The following RYR3 variants were observed in gnomAD, a reference collection of about 807,000 sequenced individuals.
The protein encoded by RYR3 is brain ryanodine receptor-calcium release channel.
Under a neutral mutation model 584.3 loss-of-function variants are expected in RYR3, and 207 were observed. That is an observed-to-expected ratio of 0.35 (90% confidence interval 0.32 to 0.40). The LOEUF (loss-of-function observed/expected upper bound fraction) is 0.40, where lower values mean the gene tolerates loss of function less well. RYR3 is among the 10% of genes least tolerant of loss of function. The probability of loss-of-function intolerance (pLI) is 1.00; values close to 1 mark genes in which losing one functional copy is unlikely to be tolerated. For synonymous variants in RYR3, 2,416 were observed against 2,248.5 expected (o/e 1.07, Z -2.11); for missense variants, 5,616 against 6,089.2 (o/e 0.92, Z 2.59).
intron 1 of RYR3, among the ~76,000 whole-genome samples, chr15:33,389,730 G>T (rs2041869369): frequency 6.6e-6 from 1 of 152,134 alleles, no homozygotes; most frequent in Admixed American, 6.5e-5. Context: ...AGTCTGAAAG[G>T]TAACATGCAA....
chr15:33,613,211 C>T lies in RYR3; in HGVS notation c.2193C>T (p.Ile731=). The part of the protein sequence containing the change: ...SGRIPRAVAS[I]NQHLLRSDDV... ...GGATACCCAGAGCTGTGGCTTCCAT[C>T]AACCAGCACCTCCTGAGATCGGATG... Residue 731 remains isoleucine (I), a synonymous_variant, in exon 19 of 104, where the codon ATC becomes ATT. Coordinates refer to ENST00000634891, the MANE Select transcript of RYR3 (RefSeq NM_001036.6). The T allele has an allele frequency of 6.2e-7, 1 of 1,613,848 alleles. No homozygotes were observed.
chr15:33,859,579 A>C lies in RYR3; in HGVS notation c.14147A>C (p.Tyr4716Ser). The C allele has an allele frequency of 6.2e-7, 1 of 1,613,890 alleles. No homozygotes were observed. Among genetic ancestry groups the C allele is most frequent in the Non-Finnish European group, 8.5e-7 (1 of 1,179,870 alleles). ...CCCCTTATTTTTCTTCTCTAGTGTT[A>C]CCTTTTCCACATGTACGTGGGAGTG... The part of the protein sequence containing the change: ...DMKCDDMMTC[Y>S]LFHMYVGVRA... The change falls in exon 100 of 104, where the codon TAC becomes TCC. Residue 4716 changes from tyrosine (Y) to serine (S), a missense_variant. By Grantham distance (144) the Tyr-to-Ser change is moderately radical. Around this residue, in one of 9 missense-constraint regions of RYR3, gnomAD observed 918 missense variants for 887.4 expected, o/e 1.03. Transcript: ENST00000634891.
At chr15:33,629,450 T>G in intron 21 of RYR3, among the ~76,000 whole-genome samples, 1 of 152,236 alleles carries the variant, frequency 6.6e-6, no homozygotes, top group East Asian at 1.9e-4. Context: ...TTGCATTTAT[T>G]AGGTTAAACA....
intron 1 of RYR3, among the ~76,000 whole-genome samples, chr15:33,352,800 A>G (rs1265860480): frequency 6.6e-6 from 1 of 152,206 alleles, no homozygotes; most frequent in African/African-American, 2.4e-5. Context: ...CTGTTTACTC[A>G]TGGTGGTCAT....
intron 10 of RYR3, among the ~76,000 whole-genome samples, chr15:33,556,617 C>T (rs982646951): frequency 6.6e-6 from 1 of 152,168 alleles, no homozygotes; most frequent in African/African-American, 2.4e-5. Flanking sequence ...TTTTCCCACA[C>T]GAAGTCTGTT....
chr15:33,783,347 T>A (rs1207935862), intron 65 of RYR3, among the ~76,000 whole-genome samples: 12 of 152,224 alleles, frequency 7.9e-5, no homozygotes, highest in Admixed American at 7.9e-4. Context: ...CCTAACAGTC[T>A]TGCGTCTGAT....
Position 33,736,338 on chromosome 15 carries a change from A to G in RYR3, c.7515+13A>G, listed in dbSNP as rs548927594. The G allele has an allele frequency of 3.8e-5, 60 of 1,574,296 alleles. No homozygotes were observed. In the East Asian group the frequency reaches 1.0e-3, roughly 26 times the overall value. On this transcript the variant is annotated intron_variant, in intron 49 of 103. Coordinates refer to ENST00000634891, the MANE Select transcript of RYR3 (RefSeq NM_001036.6). ...AATGCCTCTCAAGGTAAACATCACT[A>G]TTGTTACAGAAATACAGTCTATTGC...
chr15:33,612,316 T>C (rs934100751), intron 18 of RYR3, among the ~76,000 whole-genome samples: 3 of 152,224 alleles, frequency 2.0e-5, no homozygotes, highest in African/African-American at 7.2e-5. Flanking sequence ...TCCGAAATAA[T>C]AAAGTTCTTT....
Position 33,859,481 on chromosome 15 carries a change from CCA to C in RYR3, c.14143-91_14143-90del, listed in dbSNP as rs1597096060. 4.1e-6 allele frequency: 6 copies of C among 1,448,092 alleles called. No individual in the cohort carries two copies. In the East Asian group the frequency reaches 1.4e-4, roughly 33 times the overall value. The allele number at this position is 1,448,092 out of a possible 1,614,324, so 89.7% of individuals were successfully genotyped here. ...GTTCCCCTCTCGTGGCTTAGGGCTG[CCA>C]CAATCTGACCGAATCATATGAATGA... On this transcript the variant is annotated intron_variant, in intron 99 of 103. Coordinates refer to ENST00000634891, the MANE Select transcript of RYR3 (RefSeq NM_001036.6).
At chr15:33,732,107 C>T (rs2069004685) in intron 48 of RYR3, among the ~76,000 whole-genome samples, 1 of 152,054 alleles carries the variant, frequency 6.6e-6, no homozygotes, top group South Asian at 2.1e-4. Context: ...ACCGGCTGGG[C>T]ACGGTGGCTC....
chr15:33,397,210 C>T (rs985366967), intron 1 of RYR3, among the ~76,000 whole-genome samples: 7 of 152,178 alleles, frequency 4.6e-5, no homozygotes, highest in African/African-American at 1.7e-4. Flanking sequence ...AGACCAGAGA[C>T]AGGAACTTTG....
intron 98 of RYR3, among the ~76,000 whole-genome samples, chr15:33,857,351 C>CCT (rs1430310828): frequency 1.3e-5 from 2 of 151,952 alleles, no homozygotes; most frequent in Non-Finnish European, 2.9e-5. Flanking sequence ...CTGTGTCTAG[C>CCT]CTCTCTCTCT....
chr15:33,610,855 A>G (rs868434808), intron 18 of RYR3, among the ~76,000 whole-genome samples: 1 of 152,286 alleles, frequency 6.6e-6, no homozygotes, highest in Middle Eastern at 3.4e-3. Flanking sequence ...TGTGCATGAA[A>G]CAAAATTTTG....
At chr15:33,360,640 G>T (rs1179195154) in intron 1 of RYR3, among the ~76,000 whole-genome samples, 2 of 152,170 alleles carry the variant, frequency 1.3e-5, no homozygotes, top group Non-Finnish European at 2.9e-5. Flanking sequence ...TAAATACCTA[G>T]ATATGGCTTA....
chr15:33,443,548 C>T (rs1015376825), intron 1 of RYR3, among the ~76,000 whole-genome samples: 1 of 152,108 alleles, frequency 6.6e-6, no homozygotes, highest in African/African-American at 2.4e-5. Flanking sequence ...GAAAACAGCC[C>T]TTAAAAACAT....
At chr15:33,433,914 C>CT (rs974506551) in intron 1 of RYR3, among the ~76,000 whole-genome samples, 1 of 152,210 alleles carries the variant, frequency 6.6e-6, no homozygotes, top group African/African-American at 2.4e-5. Flanking sequence ...CTGGACACAA[C>CT]TTTATCCACC....
intron 16 of RYR3, among the ~76,000 whole-genome samples, chr15:33,592,253 T>TC (rs1421038885): frequency 6.6e-6 from 1 of 152,180 alleles, no homozygotes; most frequent in Non-Finnish European, 1.5e-5. Flanking sequence ...GGCTTCACCA[T>TC]CCCCTAAGGG....
At chr15:33,556,077 C>T (rs538363528) in intron 10 of RYR3, among the ~76,000 whole-genome samples, 1 of 152,226 alleles carries the variant, frequency 6.6e-6, no homozygotes, top group Non-Finnish European at 1.5e-5. Flanking sequence ...GAAGGCTCAC[C>T]CCAGCATCCA....
chr15:33,644,065 A>G (rs1328670270), intron 27 of RYR3, among the ~76,000 whole-genome samples: 1 of 152,154 alleles, frequency 6.6e-6, no homozygotes. Flanking sequence ...TAACTGGATC[A>G]TCGTTTTTCC....
Sources: allele counts gnomAD v4.1 joint callset (sites outside exome capture counted in the v4.1 genomes callset), GRCh38; gene constraint gnomAD v4.1.1; regional missense constraint gnomAD v4.1.1; transcripts MANE v1.5; gene names NCBI Gene and HGNC (gene_info 2026-07-23, HGNC 2026-07-21).